CENPP: variants seen among roughly 807,000 people sequenced by gnomAD.
CENPP encodes the protein centromere protein P.
In CENPP, 24 loss-of-function variants were observed where a neutral mutation model predicts 35.6. The ratio of observed to expected loss-of-function variants is 0.67; its 90% CI spans 0.49 to 0.95. The LOEUF (loss-of-function observed/expected upper bound fraction) is 0.95, where lower values mean the gene tolerates loss of function less well. CENPP is among the 40% of genes least tolerant of loss of function. CENPP has a pLI of 0.00. For missense variants in CENPP, 332 were observed against 345.3 expected, an observed-to-expected ratio of 0.96 and a Z score of 0.31; for synonymous variants, 120 against 125.5, an observed-to-expected ratio of 0.96 and a Z score of 0.29.
chr9:92,339,863 TC>T (rs1451336014), intron 3 of CENPP: 2 of 153,786 alleles, frequency 1.3e-5, no homozygotes, highest in Non-Finnish European at 1.5e-5. Flanking sequence ...CTGGATGTTG[TC>T]CCTTTGTAAA....
chr9:92,376,200 C>T (rs557758173), intron 4 of CENPP, among the ~76,000 whole-genome samples: 27 of 152,264 alleles, frequency 1.8e-4, no homozygotes, highest in African/African-American at 4.8e-4. Flanking sequence ...GCACTTTTTC[C>T]AAGACTTTAT....
chr9:92,351,215 G>A (rs1396420546), intron 4 of CENPP, among the ~76,000 whole-genome samples: 1 of 152,128 alleles, frequency 6.6e-6, no homozygotes, highest in Admixed American at 6.5e-5. Flanking sequence ...CTTTGGCCAG[G>A]TGTGGTGGCT....
chr9:92,547,243 G>T (rs770233202), intron 5 of CENPP, among the ~76,000 whole-genome samples: 1 of 152,152 alleles, frequency 6.6e-6, no homozygotes, highest in African/African-American at 2.4e-5. Context: ...GAATATAAGG[G>T]AACATCTTTA....
intron 5 of CENPP, among the ~76,000 whole-genome samples, chr9:92,390,658 C>T (rs183942838): frequency 8.5e-5 from 13 of 152,174 alleles, no homozygotes; most frequent in Admixed American, 2.0e-4. Context: ...TTCTTATTCA[C>T]AGGAATCATG....
chr9:92,419,948 A>G (rs575525662), intron 5 of CENPP, among the ~76,000 whole-genome samples: 162 of 152,198 alleles, frequency 1.1e-3, no homozygotes, highest in Non-Finnish European at 1.9e-3. Flanking sequence ...AAAGGTTAAG[A>G]AACATCTCAA....
At chr9:92,352,840 C>A (rs1048188165) in intron 4 of CENPP, among the ~76,000 whole-genome samples, 5 of 151,862 alleles carry the variant, frequency 3.3e-5, no homozygotes, top group African/African-American at 1.2e-4. Flanking sequence ...ATGTTAATCT[C>A]CTTTGGCAAT....
chr9:92,583,475 A>G (rs1181733174), intron 5 of CENPP, among the ~76,000 whole-genome samples: 1 of 152,182 alleles, frequency 6.6e-6, no homozygotes, highest in African/African-American at 2.4e-5. Flanking sequence ...CACTTATAGC[A>G]TATTTGTAAA....
At chr9:92,599,485 C>T (rs541688642) in intron 5 of CENPP, among the ~76,000 whole-genome samples, 10 of 152,104 alleles carry the variant, frequency 6.6e-5, no homozygotes, top group Admixed American at 6.5e-4. Context: ...GGTGCGATCT[C>T]GGCTCACTGC....
chr9:92,409,042 A>G (rs1264745322), intron 5 of CENPP, among the ~76,000 whole-genome samples: 5 of 152,220 alleles, frequency 3.3e-5, no homozygotes, highest in Non-Finnish European at 2.9e-5. Flanking sequence ...CAATGTAAGG[A>G]AGAGCTCATG....
At chr9:92,416,058 G>GTGTGTATATA (rs6151074) in intron 5 of CENPP, among the ~76,000 whole-genome samples, 1 of 130,932 alleles carries the variant, frequency 7.6e-6, no homozygotes, top group South Asian at 2.5e-4. Context: ...ATATATGTGT[G>GTGTGTATATA]TATATATATA....
chr9:92,356,031 A>G lies in CENPP; in HGVS notation c.467+10244A>G, dbSNP rs566103680. 2.0e-5 allele frequency among the ~76,000 whole-genome samples: 3 copies of G among 152,336 alleles called. No individual in the cohort carries two copies. The East Asian group carries it at 5.8e-4, about 29-fold the overall frequency. ...ATATCATATCAGAATATATAAACAC[A>G]GGGGTTAGTCAACTATTTTACTAAC... On this transcript the variant is annotated intron_variant, in intron 4 of 7. Transcript: ENST00000375587.
intron 5 of CENPP, among the ~76,000 whole-genome samples, chr9:92,381,572 A>G (rs1842246773): frequency 6.6e-6 from 1 of 152,070 alleles, no homozygotes; most frequent in Non-Finnish European, 1.5e-5. Flanking sequence ...CTGCCTTTTT[A>G]TTAAGGCTGG....
intron 5 of CENPP, among the ~76,000 whole-genome samples, chr9:92,473,581 G>A (rs752733216): frequency 2.9e-4 from 44 of 152,062 alleles, no homozygotes; most frequent in East Asian, 1.9e-4. Flanking sequence ...TTCCACAGTC[G>A]TTCTACATGA....
chr9:92,540,171 C>T (rs946546419), intron 5 of CENPP, among the ~76,000 whole-genome samples: 3 of 152,192 alleles, frequency 2.0e-5, no homozygotes, highest in African/African-American at 7.2e-5. Context: ...GGGCGCGGTG[C>T]CTCATGCCTG....
Position 92,529,579 on chromosome 9 carries a change from G to GA in CENPP, c.565-81727dup, listed in dbSNP as rs545246475. 1.5e-4 allele frequency among the ~76,000 whole-genome samples: 22 copies of GA among 151,264 alleles called. No individual in the cohort carries two copies. In the South Asian group the frequency reaches 3.6e-3, roughly 25 times the overall value. ...CAACATGTTCTTCAATAGGTGAATG[G>GA]AAAAAAAACTATGGTATATTCAGAC... On this transcript the variant is annotated intron_variant, in intron 5 of 7. Transcript: ENST00000375587.
chr9:92,533,317 AAAAAAAAAAAAATAT>A (rs1343741673), intron 5 of CENPP, among the ~76,000 whole-genome samples: 8 of 104,788 alleles, frequency 7.6e-5, no homozygotes, highest in Non-Finnish European at 1.3e-4. Context: ...AAAAAAAAAA[AAAAAAAAAAAAATAT>A]ATATATATAT....
intron 5 of CENPP, among the ~76,000 whole-genome samples, chr9:92,385,971 T>G (rs1842403450): frequency 1.3e-5 from 2 of 152,218 alleles, no homozygotes; most frequent in Non-Finnish European, 2.9e-5. Flanking sequence ...AAGAGCAGAC[T>G]TCACACGTAC....
chr9:92,476,120 C>G lies in CENPP; in HGVS notation c.564+96261C>G, dbSNP rs896423076. 6.6e-6 allele frequency among the ~76,000 whole-genome samples: 1 copy of G among 152,192 alleles called. No homozygotes were observed. Among genetic ancestry groups the G allele is most frequent in the African/African-American group, 2.4e-5 (1 of 41,450 alleles). ...CTCACCACCACAGCAGAGGGCTCCG[C>G]AGACCCTAATAGTCCACCAGGCTAC... On this transcript the variant is annotated intron_variant, in intron 5 of 7. Coordinates refer to ENST00000375587, the MANE Select transcript of CENPP (RefSeq NM_001012267.3). The surrounding 1 kb of genome is among the most constrained non-coding windows in gnomAD (Gnocchi z 4.1).
chr9:92,500,812 C>A (rs1473692439), intron 5 of CENPP: 2 of 1,614,114 alleles, frequency 1.2e-6, no homozygotes. Flanking sequence ...TCATTGTGAT[C>A]CAGAAATAAT....
Sources: gnomAD v4.1 joint callset for allele counts (sites outside exome capture counted in the v4.1 genomes callset) on GRCh38, gnomAD v4.1.1 for gene constraint, Gnocchi (gnomAD v3.1) non-coding constraint, MANE v1.5 for transcripts, NCBI Gene and HGNC (gene_info 2026-07-23, HGNC 2026-07-21) for gene names.